CEP295NL: variants seen among roughly 807,000 people sequenced by gnomAD.
CEP295NL encodes CEP295 N-terminal like.
A neutral mutation model predicts 4.6 loss-of-function variants in CEP295NL; 3 were observed. The ratio of observed to expected loss-of-function variants is 0.65; its 90% CI spans 0.30 to 1.69. The LOEUF (loss-of-function observed/expected upper bound fraction) is 1.69, where lower values mean the gene tolerates loss of function less well. Among genes scored for constraint, CEP295NL ranks in the 40% most tolerant of loss-of-function variants. The pLI is 0.10. For synonymous variants in CEP295NL, 295 were observed against 312.2 expected (o/e 0.94, Z 0.58); for missense variants, 719 against 769.0 (o/e 0.93, Z 0.77).
chr17:78,900,046 T>G (rs1178704460), intron 2 of CEP295NL: 1 of 152,152 alleles, frequency 6.6e-6, no homozygotes, highest in Non-Finnish European at 1.5e-5. Context: ...TTGACCTTCT[T>G]TGGGGGAAAT....
intron 1 of CEP295NL, among the ~76,000 whole-genome samples, chr17:78,902,195 C>T (rs2070104765): frequency 6.6e-6 from 1 of 152,220 alleles, no homozygotes; most frequent in Non-Finnish European, 1.5e-5. Flanking sequence ...CAACCTCCAC[C>T]TTCCGGGTTC....
At chr17:78,898,499 A>G (rs1320363026) in intron 2 of CEP295NL, 1 of 152,398 alleles carries the variant, frequency 6.6e-6, no homozygotes, top group Non-Finnish European at 1.5e-5. Context: ...TGAGCTTCTG[A>G]AGGGTGGGAA....
In CEP295NL at chr17:78,892,760, G is replaced by A. The variant is rs375183654; in HGVS notation, c.45-301C>T. ...CACAAATGCAGGGAGGAGGTGCTCC[G>A]GGCCTGCAGCTGGGTGGAGGCGAGG... is the stretch of plus-strand genomic sequence containing the variant. On this transcript the variant is annotated intron_variant, in intron 2 of 2. Coordinates refer to ENST00000322630, the MANE Select transcript of CEP295NL (RefSeq NM_001243540.2). 5.9e-5 allele frequency among the ~76,000 whole-genome samples: 9 copies of A among 152,180 alleles called. 1 individual carries two copies. The South Asian group carries it at 1.2e-3, about 21-fold the overall frequency.
chr17:78,893,384 CAG>C (rs1568001188), intron 2 of CEP295NL, among the ~76,000 whole-genome samples: 1 of 69,540 alleles, frequency 1.4e-5, no homozygotes, highest in African/African-American at 8.4e-5. Context: ...AGTGTGTGTG[CAG>C]GGGTGTGTAT....
rs141748969 is a variant in CEP295NL at position 78,896,695 on chromosome 17, C to G, written c.45-4236G>C. Among the ~76,000 whole-genome samples the G allele has an allele frequency of 1.7e-3, 258 of 152,272 alleles. No homozygotes were observed. Among genetic ancestry groups the G allele is most frequent in the African/African-American group, 6.0e-3 (249 of 41,556 alleles). On this transcript the variant is annotated intron_variant, in intron 2 of 2. Transcript: ENST00000322630. The surrounding 1 kb of genome is among the most constrained non-coding windows in gnomAD (Gnocchi z 4.4). ...ACCACTCAGAGAAACCACAGCTCCC[C>G]CCTCCGCAGAAGCCGCGCTCGGAGC...
rs1368610059 is a variant in CEP295NL, at chr17:78,892,382, T to C, written c.122A>G (p.Lys41Arg). 1.3e-6 allele frequency: 2 copies of C among 1,550,480 alleles called. No homozygotes were observed. The highest frequency in any genetic ancestry group is 1.4e-5 in the African/African-American group (1 of 73,052). Residue 41 changes from lysine (K) to arginine (R), a missense_variant, in exon 3 of 3, where the codon AAG becomes AGG. Physicochemically the swap from Lys to Arg is conservative, Grantham distance 26. Transcript: ENST00000322630. ...AGATACAGCTTCCCAGGGAAGGTGC[T>C]TGGAGCCAAGAGTGGAGGGTTCAAG... ...APLEPSTLGS[K>R]HLPWEAVSAG...
At chr17:78,902,979 G>A (rs570449041) in intron 1 of CEP295NL, among the ~76,000 whole-genome samples, 155 bp downstream of exon 1, 79 of 152,316 alleles carry the variant, frequency 5.2e-4, no homozygotes, top group African/African-American at 1.8e-3. Flanking sequence ...CTGGCCTTGC[G>A]AACCCACGGC....
In CEP295NL at chr17:78,896,712, G is replaced by A. The variant is rs1426975565; in HGVS notation, c.45-4253C>T. The stretch of plus-strand genomic sequence containing the variant: ...CAGCTCCCCCCTCCGCAGAAGCCGC[G>A]CTCGGAGCAGCAGAAGGAAGGCGAG... On this transcript the variant is annotated intron_variant, in intron 2 of 2. Coordinates refer to ENST00000322630, the MANE Select transcript of CEP295NL (RefSeq NM_001243540.2). The surrounding 1 kb of genome is among the most constrained non-coding windows in gnomAD (Gnocchi z 4.4). Among the ~76,000 whole-genome samples the A allele has an allele frequency of 3.3e-5, 5 of 152,002 alleles. No individual in the cohort carries two copies. The highest frequency in any genetic ancestry group is 2.1e-4 in the South Asian group (1 of 4,822).
intron 2 of CEP295NL, among the ~76,000 whole-genome samples, chr17:78,895,058 A>T (rs1420443004): frequency 2.6e-5 from 4 of 152,142 alleles, no homozygotes; most frequent in Admixed American, 2.0e-4. Context: ...AGGCGGGCGG[A>T]TCACTTGAGG....
Position 78,892,558 on chromosome 17 carries a change from G to C in CEP295NL, c.45-99C>G, listed in dbSNP as rs558400164. On this transcript the variant is annotated intron_variant, in intron 2 of 2. Transcript: ENST00000322630. ...ACACGGGATTCTCACTGTGAGGACA[G>C]GCTGCAAAATGTGCCCCTCCAAGCT... The C allele has an allele frequency of 9.6e-6, 14 of 1,457,112 alleles. No homozygotes were observed. The South Asian group carries it at 2.0e-4, about 21-fold the overall frequency. The allele number at this position is 1,457,112 out of a possible 1,614,324, so 90.3% of individuals were successfully genotyped here.
chr17:78,894,134 GCACT>G (rs1236486802), intron 2 of CEP295NL, among the ~76,000 whole-genome samples: 6 of 152,118 alleles, frequency 3.9e-5, no homozygotes, highest in Admixed American at 1.3e-4. Context: ...TCCCCTCTGA[GCACT>G]GGGCATGTAT....
intron 1 of CEP295NL, among the ~76,000 whole-genome samples, chr17:78,902,505 C>T (rs969814313): frequency 6.6e-6 from 1 of 152,198 alleles, no homozygotes; most frequent in African/African-American, 2.4e-5. Flanking sequence ...GCTTTTCCAC[C>T]CGAATACTGG....
At position 78,892,049 on chromosome 17, in the gene CEP295NL, G is replaced by C; in HGVS notation, c.455C>G (p.Ser152Trp). 1 of 1,551,056 alleles carries C rather than the reference G, an allele frequency of 6.4e-7. No individual in the cohort carries two copies. Among genetic ancestry groups the C allele is most frequent in the Non-Finnish European group, 8.7e-7 (1 of 1,147,286 alleles). ...TGATCTTCGCTGGATGGGCCCCTGC[G>C]AGTCAGGCTCATTTTCCCTGGCCCG... ...GGRARENEPD[S>W]QGPIQRRSAR... Residue 152 changes from serine to tryptophan, a missense_variant, in exon 3 of 3, where the codon TCG becomes TGG. Ser to Trp is a radical substitution (Grantham distance 177). Coordinates refer to ENST00000322630, the MANE Select transcript of CEP295NL (RefSeq NM_001243540.2).
At chr17:78,894,201 CG>C (rs1217987619) in intron 2 of CEP295NL, among the ~76,000 whole-genome samples, 1 of 151,912 alleles carries the variant, frequency 6.6e-6, no homozygotes, top group African/African-American at 2.4e-5. Flanking sequence ...CTACCCCCCC[CG>C]GTTCACAGAC....
intron 2 of CEP295NL, among the ~76,000 whole-genome samples, chr17:78,900,702 A>C (rs2070077613): frequency 6.6e-6 from 1 of 152,172 alleles, no homozygotes; most frequent in Non-Finnish European, 1.5e-5. Context: ...GAGGTGGAAA[A>C]TTGTTGCTAG....
chr17:78,902,059 C>G (rs2070101959), intron 1 of CEP295NL, 133 bp from the exon 2 acceptor site: 1 of 513,568 alleles, frequency 1.9e-6, no homozygotes, highest in Non-Finnish European at 3.5e-6. Context: ...TTTTCGCCCT[C>G]TTCTCCCCAA....
chr17:78,899,501 C>T (rs2070056236), intron 2 of CEP295NL: 1 of 152,240 alleles, frequency 6.6e-6, no homozygotes, highest in South Asian at 2.1e-4. Context: ...AGATCCTATC[C>T]CAGCCCCTGC....
chr17:78,891,147 C>T lies in CEP295NL; in HGVS notation c.1357G>A (p.Glu453Lys), dbSNP rs767807449. The T allele has an allele frequency of 1.8e-5, 28 of 1,550,546 alleles. No homozygotes were observed. The highest frequency in any genetic ancestry group is 1.1e-4 in the South Asian group (9 of 84,070). ...TCTTTGTTGATAAATATACCTGCCT[C>T]GGGAGACAATGTTTGACTTCCATTT... is the stretch of plus-strand genomic sequence containing the variant. Reference protein sequence around the residue: ...FRNGSQTLSPEAGIFINKEDS... With the variant: ...FRNGSQTLSPKAGIFINKEDS... The change falls in exon 3 of 3, where the codon GAG becomes AAG. Residue 453 changes from glutamate (E) to lysine (K), a missense_variant. Coordinates refer to ENST00000322630, the MANE Select transcript of CEP295NL (RefSeq NM_001243540.2). The surrounding 1 kb of genome is among the most constrained non-coding windows in gnomAD (Gnocchi z 4.5).
At chr17:78,894,694 C>T (rs368461694) in intron 2 of CEP295NL, among the ~76,000 whole-genome samples, 3 of 151,952 alleles carry the variant, frequency 2.0e-5, no homozygotes, top group African/African-American at 7.3e-5. Context: ...CAACTATAAA[C>T]GCTTAGAAGA....
Sources: allele counts gnomAD v4.1 joint callset (sites outside exome capture counted in the v4.1 genomes callset), GRCh38; gene constraint gnomAD v4.1.1; non-coding constraint Gnocchi (gnomAD v3.1); transcripts MANE v1.5; gene names NCBI Gene and HGNC (gene_info 2026-07-23, HGNC 2026-07-21).